Variants in TRIO observed in about 807,000 individuals in gnomAD.
TRIO encodes the protein trio Rho guanine nucleotide exchange factor, also known as triple functional domain protein.
TRIO carries 58 observed loss-of-function variants against 351.9 expected under a neutral mutation model. The observed-to-expected ratio is 0.16, with a 90% CI of 0.13 to 0.21. The LOEUF (loss-of-function observed/expected upper bound fraction) is 0.21, where lower values mean the gene tolerates loss of function less well. TRIO is among the 10% of genes least tolerant of loss of function. The pLI is 1.00. For missense variants in TRIO, 3,201 were observed against 4,027.8 expected (o/e 0.79, Z 5.56); for synonymous variants, 1,758 against 1,595.7 (o/e 1.10, Z -2.42).
At position 14,457,373 on chromosome 5, in the gene TRIO, TCCCCCCCCCC is replaced by T. The variant is rs61513660; in HGVS notation, c.5204-3641_5204-3632del. ...GCTCCCACCTTGGGCAGCCCTGACC[TCCCCCCCCCC>T]CCCCGCCCCGCCCCCCGGTACTAGG... On this transcript the variant is annotated intron_variant, in intron 34 of 56. Transcript: ENST00000344204. Among the ~76,000 whole-genome samples, 168 of 48,972 alleles carry T rather than the reference TCCCCCCCCCC, an allele frequency of 3.4e-3. 24 individuals are homozygous for T. Among genetic ancestry groups the T allele is most frequent in the Non-Finnish European group, 1.5e-3 (37 of 25,484 alleles). The allele number at this position is 48,972 out of a possible 152,430, so 32.1% of individuals were successfully genotyped here.
At chr5:14,272,701 G>A (rs1000046378) in intron 2 of TRIO, among the ~76,000 whole-genome samples, 12 of 152,194 alleles carry the variant, frequency 7.9e-5, no homozygotes, top group Non-Finnish European at 1.8e-4. Flanking sequence ...TTAGCAAAAT[G>A]ACGTTAGTAG....
Position 14,487,910 on chromosome 5 carries a change from T to C in TRIO, c.7282T>C (p.Ser2428Pro). 6.5e-7 allele frequency: 1 copy of C among 1,540,110 alleles called. No homozygotes were observed. The highest frequency in any genetic ancestry group is 8.7e-7 in the Non-Finnish European group (1 of 1,143,570). The change falls in exon 48 of 57, where the codon TCG (serine) becomes CCG (proline). Residue 2428 changes from serine (S) to proline (P), a missense_variant. By Grantham distance (74) the Ser-to-Pro change is moderately conservative. Around this residue, in one of 19 missense-constraint regions of TRIO, gnomAD observed 1,089 missense variants for 954.9 expected, o/e 1.14. Coordinates refer to ENST00000344204, the MANE Select transcript of TRIO (RefSeq NM_007118.4). ...GAAAGGCGCCGCGAACGCCTCGGGG[T>C]CGAGCCCAGACGCCCCCGCCAAGGA... is the stretch of plus-strand genomic sequence containing the variant. ...PRKGAANASG[S>P]SPDAPAKDAR...
At chr5:14,379,320 A>C (rs61180647) in intron 20 of TRIO, among the ~76,000 whole-genome samples, 5,678 of 152,308 alleles carry the variant, frequency 0.037, 373 homozygotes, top group African/African-American at 0.13. Context: ...AGCTGAAGAA[A>C]AATTAACTTT....
chr5:14,394,187 A>G (rs972274481), intron 28 of TRIO, 57 bp downstream of exon 28: 11 of 1,109,092 alleles, frequency 9.9e-6, no homozygotes, highest in African/African-American at 1.6e-5. Flanking sequence ...TTATTTTGAC[A>G]TTTACTATAT....
intron 34 of TRIO, among the ~76,000 whole-genome samples, chr5:14,422,793 G>T (rs1750288866): frequency 6.6e-6 from 1 of 152,194 alleles, no homozygotes; most frequent in African/African-American, 2.4e-5. Context: ...TTTTGTGTCT[G>T]AAACAAGACT....
At chr5:14,171,328 G>T (rs1160617216) in intron 1 of TRIO, among the ~76,000 whole-genome samples, 2 of 152,134 alleles carry the variant, frequency 1.3e-5, no homozygotes. Flanking sequence ...GTCGGCCTTT[G>T]GTCACAGTAA....
intron 1 of TRIO, among the ~76,000 whole-genome samples, chr5:14,243,472 G>A (rs1256717895): frequency 6.6e-6 from 1 of 151,954 alleles, no homozygotes; most frequent in Non-Finnish European, 1.5e-5. Flanking sequence ...CCATGTATCT[G>A]TTATAATGGT....
At chr5:14,368,380 A>T (rs1331334278) in intron 16 of TRIO, among the ~76,000 whole-genome samples, 1 of 152,200 alleles carries the variant, frequency 6.6e-6, no homozygotes, top group Non-Finnish European at 1.5e-5. Context: ...AGGAATAATA[A>T]ACTTGGAACA....
intron 40 of TRIO, among the ~76,000 whole-genome samples, chr5:14,476,638 CA>C (rs898560071): frequency 1.1e-4 from 17 of 151,556 alleles, no homozygotes; most frequent in Non-Finnish European, 2.1e-4. Context: ...CTAAAAATGC[CA>C]AAAAATTAGC....
At chr5:14,147,938 G>A (rs1405533946) in intron 1 of TRIO, among the ~76,000 whole-genome samples, 2 of 152,178 alleles carry the variant, frequency 1.3e-5, no homozygotes, top group Non-Finnish European at 2.9e-5. Context: ...GTGAATGTTG[G>A]TTTCTCCTTT....
intron 2 of TRIO, among the ~76,000 whole-genome samples, chr5:14,275,516 T>TA (rs966462573): frequency 2.0e-4 from 30 of 151,998 alleles, no homozygotes; most frequent in South Asian, 1.9e-3. Context: ...AAGGTATGGT[T>TA]AAAAAAAATC....
At chr5:14,315,887 G>C (rs1333193942) in intron 8 of TRIO, among the ~76,000 whole-genome samples, 1 of 152,144 alleles carries the variant, frequency 6.6e-6, no homozygotes, top group African/African-American at 2.4e-5. Flanking sequence ...TATAGCACTT[G>C]ATGGCATTTT....
intron 48 of TRIO, among the ~76,000 whole-genome samples, chr5:14,490,051 G>A (rs752016884): frequency 1.4e-4 from 22 of 152,262 alleles, no homozygotes; most frequent in Middle Eastern, 3.4e-3. Flanking sequence ...GGCCGAGACG[G>A]GCAGATCACA....
At chr5:14,429,253 G>A (rs1750898455) in intron 34 of TRIO, among the ~76,000 whole-genome samples, 2 of 152,168 alleles carry the variant, frequency 1.3e-5, no homozygotes, top group African/African-American at 4.8e-5. Flanking sequence ...GGCTCTGAGG[G>A]CACCTGATAA....
intron 3 of TRIO, among the ~76,000 whole-genome samples, chr5:14,282,367 TAC>T (rs1736078179): frequency 6.6e-6 from 1 of 152,222 alleles, no homozygotes; most frequent in Admixed American, 6.5e-5. Context: ...ATCAAAATGA[TAC>T]TTGTCATATA....
intron 1 of TRIO, among the ~76,000 whole-genome samples, chr5:14,150,982 T>G (rs1166417790): frequency 6.6e-6 from 1 of 152,182 alleles, no homozygotes; most frequent in Admixed American, 6.5e-5. Context: ...AGTTACCATT[T>G]TTGCTGCTTC....
intron 1 of TRIO, among the ~76,000 whole-genome samples, chr5:14,180,942 T>C (rs1201987927): frequency 6.6e-6 from 1 of 152,210 alleles, no homozygotes; most frequent in East Asian, 1.9e-4. Context: ...TACTAAAATA[T>C]TTAATTTTGT....
rs142336533 is a variant in TRIO at position 14,354,861 on chromosome 5, T to C, written c.2047-3317T>C. On this transcript the variant is annotated intron_variant, in intron 11 of 56. Coordinates refer to ENST00000344204, the MANE Select transcript of TRIO (RefSeq NM_007118.4). ...GGAATACTCCATTTCCTAGGTCCCA[T>C]TGGACAGTGACAAGGGTGAGGGCAG... 7.9e-5 allele frequency among the ~76,000 whole-genome samples: 12 copies of C among 152,310 alleles called. No homozygotes were observed. In the South Asian group the frequency reaches 1.7e-3, roughly 21 times the overall value.
At chr5:14,256,716 C>G (rs1795041084) in intron 1 of TRIO, among the ~76,000 whole-genome samples, 1 of 152,194 alleles carries the variant, frequency 6.6e-6, no homozygotes, top group African/African-American at 2.4e-5. Context: ...CACCAGGCCC[C>G]TTAGAAGTTA....
Sources: gnomAD v4.1 joint callset for allele counts (sites outside exome capture counted in the v4.1 genomes callset) on GRCh38, gnomAD v4.1.1 for gene constraint, gnomAD v4.1.1 regional missense constraint, MANE v1.5 for transcripts, NCBI Gene and HGNC (gene_info 2026-07-23, HGNC 2026-07-21) for gene names.